LPCAT3: variants seen among roughly 807,000 people sequenced by gnomAD.
LPCAT3 encodes lysophosphatidylcholine acyltransferase 3, also known as lysophospholipid acyltransferase 5.
Under a neutral mutation model 63.4 loss-of-function variants are expected in LPCAT3, and 21 were observed. That is an observed-to-expected ratio of 0.33 (90% CI 0.23 to 0.48). The LOEUF (loss-of-function observed/expected upper bound fraction) is 0.48. Among genes scored for constraint, LPCAT3 ranks in the 20% least tolerant of loss-of-function variants. The pLI, the probability that LPCAT3 is intolerant of heterozygous loss-of-function variation, is 0.99. For missense variants in LPCAT3, 451 were observed against 590.6 expected, an observed-to-expected ratio of 0.76 and a Z score of 2.45; for synonymous variants, 242 against 227.5, an observed-to-expected ratio of 1.06 and a Z score of -0.58.
In LPCAT3 at chr12:7,018,018, G is replaced by A. The variant is rs1361468807; in HGVS notation, c.151+256C>T. Among the ~76,000 whole-genome samples, 2 of 152,344 alleles carry A rather than the reference G, an allele frequency of 1.3e-5. No homozygotes were observed. Among genetic ancestry groups the A allele is most frequent in the African/African-American group, 4.8e-5 (2 of 41,578 alleles). ...AGGGTAGAGCCTGGCACAAGAGGGC[G>A]GGGGCCCGACTGAGAGGCCAGAGGG... On this transcript the variant is annotated intron_variant, in intron 1 of 12. Transcript: ENST00000261407. The surrounding 1 kb of genome is among the most constrained non-coding windows in gnomAD (Gnocchi z 4.9).
intron 2 of LPCAT3, 127 bp from the exon 3 acceptor site, chr12:6,982,909 G>A: frequency 1.5e-6 from 1 of 675,202 alleles, no homozygotes; most frequent in Non-Finnish European, 2.7e-6. Context: ...ATAACCTCAT[G>A]TTTTGGAGGA....
intron 1 of LPCAT3, among the ~76,000 whole-genome samples, chr12:6,991,008 CATTAT>C (rs1555155456): frequency 6.6e-6 from 1 of 150,642 alleles, no homozygotes; most frequent in East Asian, 1.9e-4. Flanking sequence ...AACTACTACA[CATTAT>C]ATTAATATAA....
At position 6,976,806 on chromosome 12, in the gene LPCAT3, C is replaced by G. The variant is rs1946408428; in HGVS notation, c.*98G>C. On this transcript the variant is annotated 3_prime_UTR_variant, in exon 13 of 13. Coordinates refer to ENST00000261407, the MANE Select transcript of LPCAT3 (RefSeq NM_005768.6). ...CTGGAAGCATCGATCTTCCACCTCC[C>G]TGGCTTTTCCATTCTCTGCTCTGGG... The G allele has an allele frequency of 5.0e-6, 1 of 198,036 alleles. No homozygotes were observed. The highest frequency in any genetic ancestry group is 5.4e-5 in the Admixed American group (1 of 18,674). 12.3% of individuals were successfully genotyped at this position (198,036 alleles called of 1,614,324 possible).
At chr12:7,001,184 G>A (rs192053140) in intron 1 of LPCAT3, among the ~76,000 whole-genome samples, 1 of 146,406 alleles carries the variant, frequency 6.8e-6, no homozygotes, top group East Asian at 2.1e-4. Flanking sequence ...TCAGGAAGAA[G>A]CATATTTGCC....
chr12:6,991,926 G>T (rs1172579907), intron 1 of LPCAT3, among the ~76,000 whole-genome samples: 1 of 151,978 alleles, frequency 6.6e-6, no homozygotes, highest in Admixed American at 6.6e-5. Flanking sequence ...ATCAGGCATG[G>T]TGGCCCACAC....
intron 1 of LPCAT3, among the ~76,000 whole-genome samples, chr12:7,011,018 T>A (rs1946759833): frequency 6.6e-6 from 1 of 151,972 alleles, no homozygotes; most frequent in South Asian, 2.1e-4. Context: ...AAAACAAAAT[T>A]TATTTATTTA....
intron 1 of LPCAT3, among the ~76,000 whole-genome samples, chr12:6,994,570 G>T (rs1202302000): frequency 6.6e-6 from 1 of 152,134 alleles, no homozygotes; most frequent in Non-Finnish European, 1.5e-5. Flanking sequence ...AGGTTCAAGT[G>T]ATCCTCCCAC....
chr12:7,003,052 T>C (rs1364056502), intron 1 of LPCAT3, among the ~76,000 whole-genome samples: 2 of 152,122 alleles, frequency 1.3e-5, no homozygotes, highest in Admixed American at 6.5e-5. Context: ...GAATGCACTC[T>C]CTTATATACC....
intron 1 of LPCAT3, among the ~76,000 whole-genome samples, chr12:6,990,916 C>CAA (rs59031613): frequency 0.094 from 6,390 of 68,058 alleles, 227 homozygotes; most frequent in Non-Finnish European, 0.14. Flanking sequence ...GACTCCAAAT[C>CAA]AAAAAAAAAA....
At chr12:7,008,075 C>T (rs1555156987) in intron 1 of LPCAT3, among the ~76,000 whole-genome samples, 1 of 152,046 alleles carries the variant, frequency 6.6e-6, no homozygotes, top group African/African-American at 2.4e-5. Flanking sequence ...CTTCTGCTTG[C>T]AAAGGGAGGA....
chr12:7,018,445 A>G lies in LPCAT3; in HGVS notation c.-21T>C. 1.3e-6 allele frequency: 2 copies of G among 1,580,494 alleles called. No homozygotes were observed. The highest frequency in any genetic ancestry group is 1.7e-6 in the Non-Finnish European group (2 of 1,160,842). ...GCCATCTTAACTCCGGGAGCCCCACAGGGACCCCCCAGCTCCGCGCGCCCC... is the reference window on the plus strand; with the variant it reads ...GCCATCTTAACTCCGGGAGCCCCACGGGGACCCCCCAGCTCCGCGCGCCCC... On this transcript the variant is annotated 5_prime_UTR_variant, in exon 1 of 13. Coordinates refer to ENST00000261407, the MANE Select transcript of LPCAT3 (RefSeq NM_005768.6). This position sits in a 1 kb window ranked among gnomAD's most constrained non-coding sequence, Gnocchi z 4.9.
intron 1 of LPCAT3, among the ~76,000 whole-genome samples, chr12:6,997,594 T>C (rs1226434473): frequency 1.1e-4 from 16 of 150,400 alleles, no homozygotes; most frequent in African/African-American, 3.9e-4. Flanking sequence ...TCTTTTCTTT[T>C]TTTTTTTTTG....
At chr12:6,978,987 T>C (rs1555153699) in intron 7 of LPCAT3, 29 of 378,994 alleles carry the variant, frequency 7.7e-5, no homozygotes, top group Non-Finnish European at 4.8e-6. Flanking sequence ...GAATGTTAAG[T>C]ACAGAGGGGC....
Position 6,977,241 on chromosome 12 carries a change from G to A in LPCAT3, c.1369C>T (p.Leu457Phe). The change falls in exon 12 of 13, where the codon CTT (leucine) becomes TTT (phenylalanine). Residue 457 changes from leucine to phenylalanine, a missense_variant. Leu to Phe is a conservative substitution (Grantham distance 22). Coordinates refer to ENST00000261407, the MANE Select transcript of LPCAT3 (RefSeq NM_005768.6). The surrounding 1 kb of genome is among the most constrained non-coding windows in gnomAD (Gnocchi z 4.5). Reference sequence around the variant, plus strand: ...AGGCTCAGGAAGAAGATGTGGCCAAGGAAATAGATGGATTTATACACCTGT... The same window carrying A: ...AGGCTCAGGAAGAAGATGTGGCCAAAGAAATAGATGGATTTATACACCTGT... ...WLKVYKSIYF[L>F]GHIFFLSLLF... 2 of 1,613,734 alleles carry A rather than the reference G, an allele frequency of 1.2e-6. No homozygotes were observed. Among genetic ancestry groups the A allele is most frequent in the African/African-American group, 2.7e-5 (2 of 75,048 alleles).
chr12:7,018,281 G>A lies in LPCAT3; in HGVS notation c.144C>T (p.Ile48=). 6.2e-7 allele frequency: 1 copy of A among 1,602,518 alleles called. No homozygotes were observed. The highest frequency in any genetic ancestry group is 8.5e-7 in the Non-Finnish European group (1 of 1,174,948). The change falls in exon 1 of 13, where the codon ATC becomes ATT. Residue 48 remains isoleucine, a synonymous_variant. Transcript: ENST00000261407. The surrounding 1 kb of genome is among the most constrained non-coding windows in gnomAD (Gnocchi z 4.9). ...AGGCAGGAGGGTCCTTACCCAGGAA[G>A]ATGGAGATGATCAGCCGCAGCGCCT... The part of the protein sequence containing the change: ...SEQALRLIIS[I]FLGYPFALFY...
chr12:7,012,961 C>T (rs1159044105), intron 1 of LPCAT3, among the ~76,000 whole-genome samples: 1 of 152,186 alleles, frequency 6.6e-6, no homozygotes, highest in East Asian at 1.9e-4. Context: ...AAGTATTTAT[C>T]GAGCCTTTTC....
chr12:6,985,396 A>C (rs1276876795), intron 1 of LPCAT3, among the ~76,000 whole-genome samples: 1 of 151,800 alleles, frequency 6.6e-6, no homozygotes, highest in Non-Finnish European at 1.5e-5. Flanking sequence ...ATTCCGTCTC[A>C]AAAAACCAAA....
At chr12:6,994,262 C>T (rs1227744866) in intron 1 of LPCAT3, among the ~76,000 whole-genome samples, 1 of 152,138 alleles carries the variant, frequency 6.6e-6, no homozygotes, top group Admixed American at 6.5e-5. Context: ...GGCTGAAGTG[C>T]AGTGGCATGA....
chr12:6,995,772 C>G (rs1342993364), intron 1 of LPCAT3, among the ~76,000 whole-genome samples: 1 of 152,176 alleles, frequency 6.6e-6, no homozygotes, highest in South Asian at 2.1e-4. Context: ...GACTACTCAA[C>G]AGAGTCAGCA....
Sources: allele counts gnomAD v4.1 joint callset (sites outside exome capture counted in the v4.1 genomes callset), GRCh38; gene constraint gnomAD v4.1.1; non-coding constraint Gnocchi (gnomAD v3.1); transcripts MANE v1.5; gene names NCBI Gene and HGNC (gene_info 2026-07-23, HGNC 2026-07-21).